PRKAG2: variants seen among roughly 807,000 people sequenced by gnomAD.
The protein encoded by PRKAG2 is 5'-AMP-activated protein kinase subunit gamma-2.
A neutral mutation model predicts 69.6 loss-of-function variants in PRKAG2; 26 were observed. The observed-to-expected ratio is 0.37, with a 90% confidence interval of 0.27 to 0.52. The LOEUF (loss-of-function observed/expected upper bound fraction) is 0.52. Ranked by LOEUF, PRKAG2 falls within the 20% of genes least tolerant of loss-of-function variation. The probability of loss-of-function intolerance (pLI) is 0.90; values close to 1 mark genes in which losing one functional copy is unlikely to be tolerated. For synonymous variants in PRKAG2, 293 were observed against 285.0 expected (o/e 1.03, Z -0.28); for missense variants, 557 against 740.0 (o/e 0.75, Z 2.87).
Position 151,560,493 on chromosome 7 carries a change from C to T in PRKAG2, c.1678+31G>A, listed in dbSNP as rs184800698. 201 of 1,613,890 alleles carry T rather than the reference C, an allele frequency of 1.2e-4. No individual in the cohort carries two copies. The African/African-American group carries it at 2.0e-3, about 16-fold the overall frequency. On this transcript the variant is annotated intron_variant, in intron 15 of 15. Coordinates refer to ENST00000287878, the MANE Select transcript of PRKAG2 (RefSeq NM_016203.4). The stretch of plus-strand genomic sequence containing the variant: ...TCTACCTCCCACCCTTCCTAGACGC[C>T]GATGGCAAAGGTCAGAAACCAGCAT...
chr7:151,798,360 G>A (rs1334149144), intron 1 of PRKAG2, among the ~76,000 whole-genome samples: 1 of 151,928 alleles, frequency 6.6e-6, no homozygotes, highest in Non-Finnish European at 1.5e-5. Flanking sequence ...TGTCGCCCAG[G>A]CTGGAGTGTA....
intron 1 of PRKAG2, among the ~76,000 whole-genome samples, chr7:151,861,509 C>T (rs1043347533): frequency 1.0e-5 from 1 of 99,564 alleles, no homozygotes; most frequent in Non-Finnish European, 1.9e-5. Flanking sequence ...GCCTGGGTGA[C>T]AGAATAAGAC....
intron 1 of PRKAG2, among the ~76,000 whole-genome samples, chr7:151,822,556 G>A (rs1435414295): frequency 6.6e-6 from 1 of 152,212 alleles, no homozygotes; most frequent in Non-Finnish European, 1.5e-5. Context: ...AGCTGAGACT[G>A]TGAAAAGCCA....
chr7:151,825,874 C>T (rs1170921459), intron 1 of PRKAG2, among the ~76,000 whole-genome samples: 1 of 152,202 alleles, frequency 6.6e-6, no homozygotes, highest in Non-Finnish European at 1.5e-5. Context: ...TCTTCACTCC[C>T]TTTCCTGGCC....
chr7:151,676,593 T>C (rs1278540454), intron 3 of PRKAG2, among the ~76,000 whole-genome samples: 2 of 152,216 alleles, frequency 1.3e-5, no homozygotes, highest in African/African-American at 4.8e-5. Flanking sequence ...CATAGACTTA[T>C]TTATGTAATT....
chr7:151,783,770 G>C (rs892886477), intron 2 of PRKAG2, among the ~76,000 whole-genome samples: 1 of 151,668 alleles, frequency 6.6e-6, no homozygotes, highest in Non-Finnish European at 1.5e-5. Flanking sequence ...AATTAGCCAG[G>C]TGTGGTGGCC....
chr7:151,745,869 C>A (rs1323056963), intron 3 of PRKAG2, among the ~76,000 whole-genome samples: 4 of 152,186 alleles, frequency 2.6e-5, no homozygotes, highest in African/African-American at 7.2e-5. Context: ...TGGTGCCTGG[C>A]AACCCTGCAG....
intron 4 of PRKAG2, among the ~76,000 whole-genome samples, chr7:151,659,394 G>A (rs1829970251): frequency 6.6e-6 from 1 of 152,182 alleles, no homozygotes; most frequent in Non-Finnish European, 1.5e-5. Flanking sequence ...CAGGTTAACA[G>A]GGTAAATGCT....
intron 1 of PRKAG2, among the ~76,000 whole-genome samples, chr7:151,844,671 TTTGAAATACAC>T (rs1284961940): frequency 1.3e-5 from 2 of 152,142 alleles, no homozygotes; most frequent in Non-Finnish European, 2.9e-5. Flanking sequence ...GGTCCAAAAG[TTTGAAATACAC>T]TAACTTTCTG....
chr7:151,825,917 GC>G (rs1351702554), intron 1 of PRKAG2, among the ~76,000 whole-genome samples: 5 of 152,138 alleles, frequency 3.3e-5, no homozygotes, highest in Non-Finnish European at 7.3e-5. Context: ...CAGCAAGCAA[GC>G]CGCCAGTAGG....
intron 1 of PRKAG2, among the ~76,000 whole-genome samples, chr7:151,813,270 G>A (rs918240597): frequency 7.2e-5 from 11 of 152,170 alleles, no homozygotes; most frequent in Non-Finnish European, 1.3e-4. Context: ...AATCCGTAAC[G>A]CCATCAACGC....
At chr7:151,570,100 T>C in intron 10 of PRKAG2, 71 bp downstream of exon 10, 1 of 1,524,298 alleles carries the variant, frequency 6.6e-7, no homozygotes, top group Non-Finnish European at 8.9e-7. Flanking sequence ...ATTTGTGTCT[T>C]TCTTTCTATC....
At chr7:151,568,913 C>T in intron 10 of PRKAG2, 71 bp from the exon 11 acceptor site, 2 of 1,526,950 alleles carry the variant, frequency 1.3e-6, no homozygotes, top group Non-Finnish European at 1.8e-6. Flanking sequence ...CTACCCCTGC[C>T]TTAAAGCACT....
At chr7:151,716,854 C>A (rs924340404) in intron 3 of PRKAG2, among the ~76,000 whole-genome samples, 2 of 152,196 alleles carry the variant, frequency 1.3e-5, no homozygotes, top group African/African-American at 2.4e-5. Context: ...TGGGTACACA[C>A]CCCGCACCTT....
chr7:151,736,353 A>C (rs1339426030), intron 3 of PRKAG2: 1 of 1,060,040 alleles, frequency 9.4e-7, no homozygotes. Context: ...GATGTAGTTA[A>C]GGTCAGCTGC....
At chr7:151,729,862 T>TC (rs967944720) in intron 3 of PRKAG2, among the ~76,000 whole-genome samples, 1 of 152,136 alleles carries the variant, frequency 6.6e-6, no homozygotes, top group Admixed American at 6.5e-5. Flanking sequence ...TCGCCCTGCC[T>TC]CCACGGCATC....
At chr7:151,763,560 C>A (rs563147699) in intron 3 of PRKAG2, among the ~76,000 whole-genome samples, 1 of 152,264 alleles carries the variant, frequency 6.6e-6, no homozygotes, top group Non-Finnish European at 1.5e-5. Context: ...CTGCCCCACA[C>A]GCTTTCCTTC....
intron 4 of PRKAG2, among the ~76,000 whole-genome samples, chr7:151,651,295 G>A (rs977186801): frequency 3.3e-5 from 5 of 152,068 alleles, no homozygotes; most frequent in Non-Finnish European, 5.9e-5. Context: ...ATCATGCATG[G>A]GTGAAAGATC....
chr7:151,791,835 T>C (rs1173997322), intron 1 of PRKAG2, among the ~76,000 whole-genome samples: 1 of 152,276 alleles, frequency 6.6e-6, no homozygotes, highest in Non-Finnish European at 1.5e-5. Context: ...AACATTAATC[T>C]GACATTAGTA....
Sources: allele counts gnomAD v4.1 joint callset (sites outside exome capture counted in the v4.1 genomes callset), GRCh38; gene constraint gnomAD v4.1.1; transcripts MANE v1.5; gene names NCBI Gene and HGNC (gene_info 2026-07-23, HGNC 2026-07-21).